PIWIL1: variants seen among roughly 807,000 people sequenced by gnomAD.
The protein encoded by PIWIL1 is piwi-like protein 1.
PIWIL1 carries 73 observed loss-of-function variants against 114.4 expected under a neutral mutation model. That is an observed-to-expected ratio of 0.64 (90% confidence interval 0.53 to 0.78). PIWIL1 has a LOEUF of 0.78. Ranked by LOEUF, PIWIL1 falls within the 30% of genes least tolerant of loss-of-function variation. PIWIL1 has a pLI of 0.00. For missense variants in PIWIL1, 723 were observed against 1,063.1 expected, an observed-to-expected ratio of 0.68 and a Z score of 4.45; for synonymous variants, 375 against 369.0, an observed-to-expected ratio of 1.02 and a Z score of -0.19.
At chr12:130,340,149 G>A (rs1429925768) in intron 1 of PIWIL1, among the ~76,000 whole-genome samples, 1 of 152,120 alleles carries the variant, frequency 6.6e-6, no homozygotes, top group Non-Finnish European at 1.5e-5. Context: ...CCTGCGAGCT[G>A]GTCCTTAAGC....
intron 11 of PIWIL1, 79 bp from the exon 12 acceptor site, chr12:130,355,474 C>A: frequency 9.5e-7 from 1 of 1,057,854 alleles, no homozygotes; most frequent in Non-Finnish European, 1.5e-6. Flanking sequence ...GTGTTGTAGG[C>A]TGGAGTGGAT....
At chr12:130,380,495 G>A in the PIWIL1 span, among the ~76,000 whole-genome samples, 2 of 152,206 alleles carry the variant, frequency 1.3e-5, no homozygotes, top group Admixed American at 6.5e-5. Flanking sequence ...GGGGTGGAGG[G>A]GAAAGGCAAA....
the PIWIL1 span, among the ~76,000 whole-genome samples, chr12:130,382,118 G>A: frequency 1.3e-5 from 2 of 152,224 alleles, no homozygotes; most frequent in East Asian, 1.9e-4. Flanking sequence ...GTGGCACTTA[G>A]TTATGGGAGC....
chr12:130,399,893 TC>T, the PIWIL1 span: 1 of 1,478,706 alleles, frequency 6.8e-7, no homozygotes, highest in East Asian at 2.3e-5. Flanking sequence ...GGAATACAGC[TC>T]AGAGTACAGG....
chr12:130,394,370 C>T, the PIWIL1 span, among the ~76,000 whole-genome samples: 5 of 152,192 alleles, frequency 3.3e-5, no homozygotes, highest in Admixed American at 3.3e-4. Flanking sequence ...TGCACGGAGC[C>T]AGCCAGGGGA....
downstream of PIWIL1, among the ~76,000 whole-genome samples, chr12:130,376,784 G>A (rs2073869911): frequency 6.6e-6 from 1 of 152,188 alleles, no homozygotes; most frequent in African/African-American, 2.4e-5. Flanking sequence ...TCCATTTTCA[G>A]CAAAGTAGTC....
the PIWIL1 span, among the ~76,000 whole-genome samples, chr12:130,390,264 G>T: frequency 6.6e-6 from 1 of 152,166 alleles, no homozygotes; most frequent in Non-Finnish European, 1.5e-5. Context: ...AAATAGTGCT[G>T]TGAGACAGTG....
At chr12:130,424,948 G>A in the PIWIL1 span, 1 of 754,214 alleles carries the variant, frequency 1.3e-6, no homozygotes, top group Non-Finnish European at 1.8e-6. This position sits in a 1 kb window ranked among gnomAD's most constrained non-coding sequence, Gnocchi z 9.8. Context: ...AATACAGACA[G>A]AATTAGTCCT....
chr12:130,417,526 G>T, the PIWIL1 span, among the ~76,000 whole-genome samples: 2 of 152,054 alleles, frequency 1.3e-5, no homozygotes, highest in South Asian at 4.2e-4. Flanking sequence ...CTAAACATTG[G>T]GTCCACATAG....
intron 18 of PIWIL1, 105 bp from the exon 19 acceptor site, chr12:130,367,028 G>A: frequency 1.5e-6 from 2 of 1,311,750 alleles, no homozygotes; most frequent in Non-Finnish European, 2.2e-6. Flanking sequence ...ATACGCCCCA[G>A]GAGGGATGTG....
At chr12:130,372,815 T>C (rs185856215), downstream of PIWIL1, among the ~76,000 whole-genome samples, 19 of 152,232 alleles carry the variant, frequency 1.2e-4, no homozygotes, top group African/African-American at 4.6e-4. Context: ...TCTACATATT[T>C]ATAGGAATTC....
chr12:130,398,117 AT>A, the PIWIL1 span: 2 of 152,580 alleles, frequency 1.3e-5, no homozygotes, highest in Non-Finnish European at 2.9e-5. Flanking sequence ...TGCTTGCATT[AT>A]TTCCAAATAA....
At position 130,342,606 on chromosome 12, in the gene PIWIL1, C is replaced by T; in HGVS notation, c.15C>T (p.Ala5=). 6.2e-7 allele frequency: 1 copy of T among 1,613,548 alleles called. No homozygotes were observed. The highest frequency in any genetic ancestry group is 8.5e-7 in the Non-Finnish European group (1 of 1,179,494). The part of the protein sequence containing the change: MTGR[A]RARARGRARG... ...AATAGAAAACAATGACTGGGAGAGC[C>T]CGAGCCAGAGCCAGAGGAAGGGCCC... The change falls in exon 2 of 21, where the codon GCC becomes GCT. Residue 5 remains alanine, a synonymous_variant. Coordinates refer to ENST00000245255, the MANE Select transcript of PIWIL1 (RefSeq NM_004764.5).
intron 11 of PIWIL1, 27 bp from the exon 12 acceptor site, chr12:130,355,526 T>A: frequency 6.8e-7 from 1 of 1,464,046 alleles, no homozygotes; most frequent in Non-Finnish European, 9.6e-7. Flanking sequence ...CTTTGTTGAG[T>A]CGCATGTAAA....
In PIWIL1 at chr12:130,349,425, T is replaced by A. The variant is rs755795571; in HGVS notation, c.921T>A (p.Val307=). 1 of 1,605,772 alleles carries A rather than the reference T, an allele frequency of 6.2e-7. No individual in the cohort carries two copies. The highest frequency in any genetic ancestry group is 8.5e-7 in the Non-Finnish European group (1 of 1,172,740). The change falls in exon 8 of 21, where the codon GTT becomes GTA. Residue 307 remains valine, a synonymous_variant. Transcript: ENST00000245255. ...EQVSKELIGL[V]VLTKYNNKTY... ...TTTCCAAAGAACTAATAGGTTTAGT[T>A]GTTCTTACCAAGTAAGACTGCTTTT...
At chr12:130,357,760 G>T (rs968124412) in intron 14 of PIWIL1, among the ~76,000 whole-genome samples, 1 of 152,210 alleles carries the variant, frequency 6.6e-6, no homozygotes. Flanking sequence ...ACTGCAAAAG[G>T]TGAGGAAGGG....
the PIWIL1 span, among the ~76,000 whole-genome samples, chr12:130,395,364 G>A: frequency 1.5e-3 from 229 of 152,306 alleles, no homozygotes; most frequent in African/African-American, 5.2e-3. Flanking sequence ...GTTGGGGCTG[G>A]AATGAGTAAT....
At chr12:130,356,098 C>G (rs1472447246) in intron 12 of PIWIL1, among the ~76,000 whole-genome samples, 1 of 150,810 alleles carries the variant, frequency 6.6e-6, no homozygotes, top group Non-Finnish European at 1.5e-5. Flanking sequence ...TAACTATCTG[C>G]TTGGGTTGAT....
At chr12:130,361,961 A>G (rs11830283) in intron 16 of PIWIL1, among the ~76,000 whole-genome samples, 13,614 of 152,228 alleles carry the variant, frequency 0.089, 1,975 homozygotes, top group African/African-American at 0.31. Flanking sequence ...TCAACATAAT[A>G]GCATTATTTT....
Sources: gnomAD v4.1 joint callset for allele counts (sites outside exome capture counted in the v4.1 genomes callset) on GRCh38, gnomAD v4.1.1 for gene constraint, Gnocchi (gnomAD v3.1) non-coding constraint, MANE v1.5 for transcripts, NCBI Gene and HGNC (gene_info 2026-07-23, HGNC 2026-07-21) for gene names.